BDP1: variants seen among roughly 807,000 people sequenced by gnomAD.
BDP1 encodes transcription factor TFIIIB component B'' homolog.
Under a neutral mutation model 266.6 loss-of-function variants are expected in BDP1, and 169 were observed. The observed-to-expected ratio is 0.63, with a 90% CI of 0.56 to 0.72. The LOEUF is 0.72. BDP1 is among the 30% of genes least tolerant of loss of function. BDP1 has a pLI of 0.00. For synonymous variants in BDP1, 1,090 were observed against 1,022.4 expected (o/e 1.07, Z -1.26); for missense variants, 3,015 against 3,053.8 (o/e 0.99, Z 0.30).
intron 38 of BDP1, 58 bp downstream of exon 38, chr5:71,562,578 A>C (rs1743754310): frequency 6.4e-7 from 1 of 1,551,308 alleles, no homozygotes; most frequent in Non-Finnish European, 8.7e-7. Context: ...TATGAGATTC[A>C]ACTAGGGAAA....
At chr5:71,474,104 C>T (rs981082714) in intron 7 of BDP1, among the ~76,000 whole-genome samples, 50 of 151,854 alleles carry the variant, frequency 3.3e-4, no homozygotes, top group Middle Eastern at 6.8e-3. Context: ...CTCAGCCTCC[C>T]GAGTAGCTGG....
At chr5:71,467,785 G>GT (rs1761994771) in intron 6 of BDP1, among the ~76,000 whole-genome samples, 1 of 152,100 alleles carries the variant, frequency 6.6e-6, no homozygotes, top group Non-Finnish European at 1.5e-5. Context: ...GAGGCCAGGA[G>GT]TTTGAGACCA....
Position 71,517,348 on chromosome 5 carries a change from T to TGAAGTTCCATCGTCC in BDP1, c.4889_4903dup (p.Glu1630_Ser1634dup). ...CAAATTCTCAAATTGAAACTGAAAT[T>TGAAGTTCCATCGTCC]GAAGTTCCATCGTCCGCAGTTCCAG... On this transcript the variant is annotated inframe_insertion, in exon 22 of 39. Coordinates refer to ENST00000358731, the MANE Select transcript of BDP1 (RefSeq NM_018429.3). 6.3e-7 allele frequency: 1 copy of TGAAGTTCCATCGTCC among 1,597,434 alleles called. No individual in the cohort carries two copies. The highest frequency in any genetic ancestry group is 8.5e-7 in the Non-Finnish European group (1 of 1,175,572).
At chr5:71,456,566 A>G (rs990432607) in intron 1 of BDP1, among the ~76,000 whole-genome samples, 5 of 152,232 alleles carry the variant, frequency 3.3e-5, no homozygotes, top group African/African-American at 9.6e-5. Flanking sequence ...CTCTTTAACT[A>G]TGGTGACCGT....
At chr5:71,472,888 CTTTTT>C (rs57109617) in intron 7 of BDP1, among the ~76,000 whole-genome samples, 10 of 53,940 alleles carry the variant, frequency 1.9e-4, no homozygotes, top group African/African-American at 2.8e-4. Context: ...CTCTCTCTCT[CTTTTT>C]TTTTTTTTTT....
intron 8 of BDP1, among the ~76,000 whole-genome samples, chr5:71,485,616 T>G (rs1763219121): frequency 6.6e-6 from 1 of 152,202 alleles, no homozygotes; most frequent in Non-Finnish European, 1.5e-5. Flanking sequence ...GAGCACCATT[T>G]TCTCTACATT....
At chr5:71,545,299 A>G (rs1742202665) in intron 32 of BDP1, 80 bp downstream of exon 32, 8 of 1,243,280 alleles carry the variant, frequency 6.4e-6, no homozygotes, top group Non-Finnish European at 9.1e-6. Context: ...TTTACATACA[A>G]TAAACTTCAC....
At position 71,564,169 on chromosome 5, in the gene BDP1, A is replaced by G. The variant is rs1743877468; in HGVS notation, c.7744-585A>G. Among the ~76,000 whole-genome samples, 3 of 151,910 alleles carry G rather than the reference A, an allele frequency of 2.0e-5. No homozygotes were observed. In the South Asian group the frequency reaches 6.2e-4, roughly 32 times the overall value. ...TATCAGATGCTAAATTTCTATATAT[A>G]TTGGGGTTATTTCTAGTCTTCTGTT... On this transcript the variant is annotated intron_variant, in intron 38 of 38. Coordinates refer to ENST00000358731, the MANE Select transcript of BDP1 (RefSeq NM_018429.3).
chr5:71,476,278 T>A (rs1427986057), intron 7 of BDP1: 1 of 153,226 alleles, frequency 6.5e-6, no homozygotes, highest in African/African-American at 2.4e-5. Flanking sequence ...TCTAGCTTCC[T>A]TTCTCAGCTG....
intron 5 of BDP1, 58 bp downstream of exon 5, chr5:71,466,279 C>T: frequency 6.3e-7 from 1 of 1,593,808 alleles, no homozygotes; most frequent in Non-Finnish European, 8.6e-7. Flanking sequence ...CATGCTTTGT[C>T]TAGTGAAAGA....
chr5:71,577,141 T>A, the BDP1 span, among the ~76,000 whole-genome samples: 1 of 152,344 alleles, frequency 6.6e-6, no homozygotes, highest in Admixed American at 6.5e-5. Context: ...CTTTGATGAT[T>A]TTAGGTTGCA....
Position 71,565,114 on chromosome 5 carries a change from G to C in BDP1, c.*229G>C, listed in dbSNP as rs577735523. ...TTGCAAATAGCAAGCAATTAAGACT[G>C]CTTTCTCAGACAGAAATAACAACTC... On this transcript the variant is annotated 3_prime_UTR_variant, in exon 39 of 39. Coordinates refer to ENST00000358731, the MANE Select transcript of BDP1 (RefSeq NM_018429.3). 2.0e-5 allele frequency: 9 copies of C among 450,142 alleles called. No individual in the cohort carries two copies. Among genetic ancestry groups the C allele is most frequent in the Non-Finnish European group, 3.5e-5 (9 of 254,930 alleles). 27.9% of individuals were successfully genotyped at this position (450,142 alleles called of 1,614,324 possible). A position where few individuals can be genotyped will look rare whatever the true frequency, so the allele number is the denominator to read the frequency against.
At chr5:71,501,734 A>T in intron 14 of BDP1, 81 bp downstream of exon 14, 1 of 856,554 alleles carries the variant, frequency 1.2e-6, no homozygotes. Context: ...TTTTCTACTT[A>T]ATAAGGTCTG....
the BDP1 span, among the ~76,000 whole-genome samples, chr5:71,573,882 T>C: frequency 6.6e-6 from 1 of 152,198 alleles, no homozygotes; most frequent in African/African-American, 2.4e-5. Context: ...ATGCAAGGGT[T>C]GCAGGAACCC....
intron 9 of BDP1, among the ~76,000 whole-genome samples, chr5:71,487,482 A>T (rs1442083895): frequency 6.6e-6 from 1 of 152,140 alleles, no homozygotes; most frequent in Non-Finnish European, 1.5e-5. Context: ...TGACCTCATG[A>T]TATGCCTGCC....
In BDP1 at chr5:71,559,961, CA is replaced by C. The variant is rs1561792438; in HGVS notation, c.7241-20del. ...TATTAACTTCAGTATCCTTGCTTTC[CA>C]TTTGCTCTTTTTTTTGAAGGGGAGT... On this transcript the variant is annotated intron_variant, in intron 36 of 38. Transcript: ENST00000358731. 2.5e-6 allele frequency: 4 copies of C among 1,610,410 alleles called. No individual in the cohort carries two copies. The Admixed American group carries it at 6.7e-5, about 27-fold the overall frequency.
At chr5:71,509,346 T>G in intron 16 of BDP1, 119 bp from the exon 17 acceptor site, 8 of 1,178,780 alleles carry the variant, frequency 6.8e-6, no homozygotes, top group Non-Finnish European at 9.2e-6. Flanking sequence ...TCCTAGGCCT[T>G]CCTTAATTTT....
chr5:71,516,420 G>T, intron 21 of BDP1, 149 bp downstream of exon 21: 39 of 572,284 alleles, frequency 6.8e-5, no homozygotes, highest in South Asian at 3.3e-4. Context: ...TTGCTCTTCT[G>T]GATTTTTTTT....
At chr5:71,494,328 T>C (rs755382681) in intron 11 of BDP1, 6 of 152,244 alleles carry the variant, frequency 3.9e-5, no homozygotes, top group Non-Finnish European at 8.8e-5. Flanking sequence ...TTATTGTTAG[T>C]TGAAATTTAT....
Sources: allele counts gnomAD v4.1 joint callset (sites outside exome capture counted in the v4.1 genomes callset), GRCh38; gene constraint gnomAD v4.1.1; transcripts MANE v1.5; gene names NCBI Gene and HGNC (gene_info 2026-07-23, HGNC 2026-07-21).